TAOK1: variants seen among roughly 807,000 people sequenced by gnomAD.
TAOK1 encodes the protein TAO kinase 1.
In TAOK1, 21 loss-of-function variants were observed where a neutral mutation model predicts 138.3. That is an observed-to-expected ratio of 0.15 (90% CI 0.11 to 0.22). The LOEUF (loss-of-function observed/expected upper bound fraction) is 0.22, where lower values mean the gene tolerates loss of function less well. TAOK1 is among the 10% of genes least tolerant of loss of function. The pLI is 1.00. For missense variants in TAOK1, 651 were observed against 1,227.7 expected, an observed-to-expected ratio of 0.53 and a Z score of 7.02; for synonymous variants, 361 against 398.4, an observed-to-expected ratio of 0.91 and a Z score of 1.12.
intron 1 of TAOK1, among the ~76,000 whole-genome samples, chr17:29,425,157 C>A (rs960737834): frequency 1.3e-5 from 2 of 152,210 alleles, no homozygotes; most frequent in Non-Finnish European, 2.9e-5. Flanking sequence ...GTAACCACCA[C>A]CTCCCAGGTT....
At chr17:29,502,011 A>G (rs1033008708) in intron 12 of TAOK1, among the ~76,000 whole-genome samples, 2 of 152,188 alleles carry the variant, frequency 1.3e-5, no homozygotes, top group African/African-American at 4.8e-5. Context: ...CTGCACTCCA[A>G]CCTGGGTGAC....
intron 3 of TAOK1, among the ~76,000 whole-genome samples, chr17:29,473,221 C>G (rs1334288018): frequency 6.6e-6 from 1 of 152,168 alleles, no homozygotes; most frequent in Non-Finnish European, 1.5e-5. Flanking sequence ...GCTGCATTAG[C>G]CCCTAACAAG....
chr17:29,427,799 C>A (rs1448738054), intron 1 of TAOK1, among the ~76,000 whole-genome samples: 1 of 151,792 alleles, frequency 6.6e-6, no homozygotes, highest in Non-Finnish European at 1.5e-5. Context: ...TGGTGGTGGA[C>A]GCCTGTAATC....
intron 1 of TAOK1, among the ~76,000 whole-genome samples, chr17:29,397,668 C>CTAGTAA (rs1904675263): frequency 1.5e-4 from 4 of 27,220 alleles, no homozygotes; most frequent in Admixed American, 1.3e-3. Flanking sequence ...ATGTATGATA[C>CTAGTAA]ATGTATACAT....
At chr17:29,520,466 T>A (rs921411498) in intron 16 of TAOK1, among the ~76,000 whole-genome samples, 2 of 151,608 alleles carry the variant, frequency 1.3e-5, no homozygotes, top group South Asian at 2.1e-4. Context: ...CAGGCTGGAA[T>A]GCAGTGGTGT....
At chr17:29,435,864 C>CT (rs1906013267) in intron 1 of TAOK1, among the ~76,000 whole-genome samples, 1 of 152,232 alleles carries the variant, frequency 6.6e-6, no homozygotes, top group African/African-American at 2.4e-5. Context: ...GGTGCGGTGG[C>CT]TCACGCCTGT....
chr17:29,491,617 TG>T (rs568434479), intron 9 of TAOK1, among the ~76,000 whole-genome samples, 166 bp from the exon 10 acceptor site: 108 of 152,314 alleles, frequency 7.1e-4, no homozygotes, highest in African/African-American at 2.5e-3. Flanking sequence ...ATTCATTGGT[TG>T]CTTTAGATAG....
intron 1 of TAOK1, among the ~76,000 whole-genome samples, chr17:29,414,544 C>T (rs565061283): frequency 1.5e-4 from 23 of 151,140 alleles, no homozygotes; most frequent in African/African-American, 5.3e-4. Context: ...ACCACTGTGT[C>T]CAGCCCAATA....
chr17:29,468,916 G>A (rs2030746590), intron 3 of TAOK1, among the ~76,000 whole-genome samples: 1 of 152,100 alleles, frequency 6.6e-6, no homozygotes, highest in Admixed American at 6.5e-5. Flanking sequence ...CAACATGAAT[G>A]TATATCTAGT....
At position 29,480,855 on chromosome 17, in the gene TAOK1, G is replaced by A. The variant is rs1163809413; in HGVS notation, c.563+374G>A. The stretch of plus-strand genomic sequence containing the variant: ...ACTGTACTCCAGCCTGGGCGACAGA[G>A]TGAGACCCTGTCTCTCAAAAAAAAA... On this transcript the variant is annotated intron_variant, in intron 7 of 19. Coordinates refer to ENST00000261716, the MANE Select transcript of TAOK1 (RefSeq NM_020791.4). Among the ~76,000 whole-genome samples the A allele has an allele frequency of 3.8e-5, 4 of 106,310 alleles. No homozygotes were observed. In the Admixed American group the frequency reaches 4.3e-4, roughly 11 times the overall value. The allele number at this position is 106,310 out of a possible 152,430, so 69.7% of individuals were successfully genotyped here. A position where few individuals can be genotyped will look rare whatever the true frequency, so the allele number is the denominator to read the frequency against.
chr17:29,537,295 A>G (rs1321156870), intron 19 of TAOK1, among the ~76,000 whole-genome samples: 2 of 152,214 alleles, frequency 1.3e-5, no homozygotes, highest in Non-Finnish European at 1.5e-5. Context: ...TGACACTTTT[A>G]TACAGTGTTA....
At chr17:29,534,588 G>A (rs2032190708) in intron 19 of TAOK1, among the ~76,000 whole-genome samples, 1 of 152,204 alleles carries the variant, frequency 6.6e-6, no homozygotes, top group Non-Finnish European at 1.5e-5. Flanking sequence ...AGCAGATATG[G>A]CTCTATTTTC....
chr17:29,420,522 A>C (rs2153021711), intron 1 of TAOK1, among the ~76,000 whole-genome samples: 1 of 150,028 alleles, frequency 6.7e-6, no homozygotes, highest in East Asian at 2.0e-4. Context: ...TAGCTCCTAA[A>C]GTACAGTGTG....
chr17:29,515,542 G>C (rs902990890), intron 15 of TAOK1, among the ~76,000 whole-genome samples: 12 of 152,090 alleles, frequency 7.9e-5, no homozygotes, highest in Non-Finnish European at 1.8e-4. Context: ...GGTAACTCAA[G>C]AAAGATCTAA....
Position 29,409,333 on chromosome 17 carries a change from A to ATATT in TAOK1, c.-95+18310_-95+18311insATTT, listed in dbSNP as rs1348702470. Among the ~76,000 whole-genome samples the ATATT allele has an allele frequency of 9.0e-3, 528 of 58,978 alleles. 11 individuals carry two copies. The highest frequency in any genetic ancestry group is 0.032 in the African/African-American group (479 of 14,974). 38.7% of individuals were successfully genotyped at this position (58,978 alleles called of 152,430 possible). On this transcript the variant is annotated intron_variant, in intron 1 of 19. Coordinates refer to ENST00000261716, the MANE Select transcript of TAOK1 (RefSeq NM_020791.4). ...CATATATATATATATATATATATAT[A>ATATT]TTTTTTTTTTTTTTTTTTTGAGATG...
chr17:29,498,410 A>C lies in TAOK1; in HGVS notation c.1092A>C (p.Gln364His), dbSNP rs757200502. ...GCATGTCCATCAGTGCCAGCAGCCA[A>C]AGCAGTAGTGTTAACAGTCTTCCAG... ...IPSMSISASSQSSSVNSLPDV... is the reference protein window; with the variant it reads ...IPSMSISASSHSSSVNSLPDV... The change falls in exon 12 of 20, where the codon CAA (glutamine) becomes CAC (histidine). Residue 364 changes from glutamine (Q) to histidine (H), a missense_variant. Gln to His is a conservative substitution (Grantham distance 24). Around this residue, in one of 8 missense-constraint regions of TAOK1, gnomAD observed 104 missense variants for 151.7 expected, o/e 0.69. Coordinates refer to ENST00000261716, the MANE Select transcript of TAOK1 (RefSeq NM_020791.4). 6.2e-7 allele frequency: 1 copy of C among 1,614,222 alleles called. No homozygotes were observed.
chr17:29,411,380 C>T (rs1191679278), intron 1 of TAOK1, among the ~76,000 whole-genome samples: 28 of 149,324 alleles, frequency 1.9e-4, no homozygotes, highest in African/African-American at 6.1e-4. Flanking sequence ...CGTGAGCCAC[C>T]GCGCCCGGCC....
intron 1 of TAOK1, among the ~76,000 whole-genome samples, chr17:29,408,522 G>A (rs1905057535): frequency 6.6e-6 from 1 of 151,836 alleles, no homozygotes; most frequent in African/African-American, 2.4e-5. Context: ...GGCCCATAAC[G>A]TTTTTTCAAT....
Position 29,392,597 on chromosome 17 carries a change from G to A in TAOK1, c.-95+1573G>A, listed in dbSNP as rs554694089. 2.6e-5 allele frequency among the ~76,000 whole-genome samples: 4 copies of A among 152,280 alleles called. No homozygotes were observed. In the East Asian group the frequency reaches 7.7e-4, roughly 29 times the overall value. ...TTTGTGACCAAAGAGTAGTTTTCAA[G>A]TCTCCATGTACTGATGATACATTTT... is the stretch of plus-strand genomic sequence containing the variant. On this transcript the variant is annotated intron_variant, in intron 1 of 19. Transcript: ENST00000261716.
Sources: allele counts gnomAD v4.1 joint callset (sites outside exome capture counted in the v4.1 genomes callset), GRCh38; gene constraint gnomAD v4.1.1; regional missense constraint gnomAD v4.1.1; transcripts MANE v1.5; gene names NCBI Gene and HGNC (gene_info 2026-07-23, HGNC 2026-07-21).